The following PALS1 variants were observed in gnomAD, a reference collection of about 807,000 sequenced individuals.
The protein encoded by PALS1 is protein associated with LIN7 1, MAGUK p55 family member.
Under a neutral mutation model 78.9 loss-of-function variants are expected in PALS1, and 31 were observed. The observed-to-expected ratio is 0.39, with a 90% CI of 0.30 to 0.53. The LOEUF is 0.53. PALS1 is among the 20% of genes least tolerant of loss of function. The pLI is 0.67. For missense variants in PALS1, 704 were observed against 826.5 expected (o/e 0.85, Z 1.82); for synonymous variants, 276 against 270.9 (o/e 1.02, Z -0.18).
intron 1 of PALS1, among the ~76,000 whole-genome samples, chr14:67,258,732 C>T (rs764342808): frequency 2.0e-5 from 3 of 151,338 alleles, no homozygotes; most frequent in East Asian, 2.0e-4. Flanking sequence ...TTCAGACTGC[C>T]TTGATACTGT....
At chr14:67,313,993 T>G (rs1474365240) in intron 9 of PALS1, among the ~76,000 whole-genome samples, 1 of 151,954 alleles carries the variant, frequency 6.6e-6, no homozygotes, top group Admixed American at 6.6e-5. Context: ...AAAAAAATAG[T>G]TCTGCCAGAA....
chr14:67,299,359 A>G (rs1178246458), intron 4 of PALS1, among the ~76,000 whole-genome samples: 1 of 111,920 alleles, frequency 8.9e-6, no homozygotes, highest in Admixed American at 1.1e-4. Context: ...TATATACCAA[A>G]GTGATTATCC....
chr14:67,268,549 G>A lies in PALS1; in HGVS notation c.-236-1152G>A, dbSNP rs547105436. On this transcript the variant is annotated intron_variant, in intron 1 of 14. Coordinates refer to ENST00000261681, the MANE Select transcript of PALS1 (RefSeq NM_022474.4). ...ATGAATTTTCCGGGGGAAAGGGATG[G>A]GCAATTCGCAGAACTGAGGGTTCCT... Among the ~76,000 whole-genome samples the A allele has an allele frequency of 1.2e-3, 180 of 152,302 alleles. 1 individual carries two copies. Among genetic ancestry groups the A allele is most frequent in the Non-Finnish European group, 2.2e-3 (152 of 68,030 alleles).
At chr14:67,310,574 T>C (rs1400122166) in intron 8 of PALS1, among the ~76,000 whole-genome samples, 1 of 152,218 alleles carries the variant, frequency 6.6e-6, no homozygotes. Context: ...TTCACTATGC[T>C]ATACACTTAT....
intron 1 of PALS1, among the ~76,000 whole-genome samples, chr14:67,245,848 AG>A (rs1180782201): frequency 6.6e-6 from 1 of 151,212 alleles, no homozygotes; most frequent in African/African-American, 2.5e-5. Context: ...ATCCACGGTC[AG>A]AGAGATTTTT....
At chr14:67,317,299 CA>C in intron 10 of PALS1, 108 bp from the exon 11 acceptor site, 10 of 1,013,130 alleles carry the variant, frequency 9.9e-6, no homozygotes, top group South Asian at 5.3e-5. Context: ...CTCGTTTCTG[CA>C]AAAAAATTTA....
intron 8 of PALS1, chr14:67,312,138 C>T (rs1468468623): frequency 6.5e-6 from 1 of 153,452 alleles, no homozygotes; most frequent in Non-Finnish European, 1.5e-5. Context: ...CACCTTGTAC[C>T]TCAGCTTGTA....
intron 8 of PALS1, among the ~76,000 whole-genome samples, chr14:67,306,675 TTC>T (rs1423684816): frequency 6.6e-6 from 1 of 152,150 alleles, no homozygotes; most frequent in Non-Finnish European, 1.5e-5. Flanking sequence ...GCCCCTTCTT[TTC>T]TCTTTTTATT....
intron 4 of PALS1, among the ~76,000 whole-genome samples, chr14:67,299,573 A>G (rs2084903939): frequency 6.6e-6 from 1 of 152,220 alleles, no homozygotes; most frequent in Admixed American, 6.5e-5. Context: ...TTTTAAAGAT[A>G]AGGGATTAGA....
At chr14:67,310,451 G>A (rs1242187503) in intron 8 of PALS1, among the ~76,000 whole-genome samples, 1 of 152,168 alleles carries the variant, frequency 6.6e-6, no homozygotes, top group Non-Finnish European at 1.5e-5. Context: ...TATCCTTGGA[G>A]GGGATGGGAT....
At chr14:67,292,470 T>G in intron 3 of PALS1, 41 bp from the exon 4 acceptor site, 1 of 1,376,264 alleles carries the variant, frequency 7.3e-7, no homozygotes, top group East Asian at 2.3e-5. Flanking sequence ...GAATTAATAC[T>G]GAAACAGTTA....
intron 1 of PALS1, chr14:67,254,286 G>A (rs965153568): frequency 2.7e-5 from 4 of 150,870 alleles, no homozygotes; most frequent in African/African-American, 9.8e-5. Flanking sequence ...GTACCAAGTG[G>A]GTACTCGCCT....
At chr14:67,321,734 T>G (rs1258459377) in intron 13 of PALS1, among the ~76,000 whole-genome samples, 1 of 152,232 alleles carries the variant, frequency 6.6e-6, no homozygotes, top group African/African-American at 2.4e-5. Context: ...TTTCCACTTG[T>G]GCTGTCATGT....
In PALS1 at chr14:67,301,461, A is replaced by G. The variant is rs774657264; in HGVS notation, c.649A>G (p.Ile217Val). 8.1e-6 allele frequency: 13 copies of G among 1,608,116 alleles called. No individual in the cohort carries two copies. The South Asian group carries it at 1.3e-4, about 16-fold the overall frequency. ...AACTGCTTTGCTGAATACTCCACAT[A>G]TTCAGGTAGAAAATGGACAGAATAC... ...ELTALLNTPH[I>V]QALLLAHDKV... Residue 217 changes from isoleucine to valine, a missense_variant, in exon 5 of 15, where the codon ATT becomes GTT. Ile to Val is a conservative substitution (Grantham distance 29). Transcript: ENST00000261681.
At position 67,279,390 on chromosome 14, in the gene PALS1, G is replaced by A. The variant is rs1391188818; in HGVS notation, c.220G>A (p.Gly74Arg). Residue 74 changes from glycine (G) to arginine (R), a missense_variant, in exon 3 of 15, where the codon GGG becomes AGG. Gly to Arg is a moderately radical substitution (Grantham distance 125). Transcript: ENST00000261681. ...EDMRRRREEE[G>R]KKQELDLNSS... ...CATGAGGCGTAGGAGAGAGGAAGAA[G>A]GGAAAAAGCAAGAACTTGACCTTAA... 49 of 1,613,212 alleles carry A rather than the reference G, an allele frequency of 3.0e-5. No homozygotes were observed. The highest frequency in any genetic ancestry group is 1.7e-4 in the Middle Eastern group (1 of 6,052).
chr14:67,299,694 A>G (rs748615218), intron 4 of PALS1, among the ~76,000 whole-genome samples: 11 of 152,240 alleles, frequency 7.2e-5, no homozygotes, highest in Admixed American at 5.9e-4. Flanking sequence ...AGAATAAGCA[A>G]CATATAGGTT....
chr14:67,302,114 C>T lies in PALS1; in HGVS notation c.797C>T (p.Pro266Leu), dbSNP rs769663356. Residue 266 changes from proline to leucine, a missense_variant, in exon 6 of 15, where the codon CCG becomes CTG. Coordinates refer to ENST00000261681, the MANE Select transcript of PALS1 (RefSeq NM_022474.4). ...CGTATAGAAAAGGCTCGTGATATTCCGTTGGTAAGTGTCCCACATACTGTT... is the reference window on the plus strand; with the variant it reads ...CGTATAGAAAAGGCTCGTGATATTCTGTTGGTAAGTGTCCCACATACTGTT... Reference protein sequence around the residue: ...IVRIEKARDIPLGATVRNEMD... With the variant: ...IVRIEKARDILLGATVRNEMD... The T allele has an allele frequency of 2.5e-6, 4 of 1,599,606 alleles. No individual in the cohort carries two copies. The highest frequency in any genetic ancestry group is 2.3e-5 in the East Asian group (1 of 43,974).
intron 1 of PALS1, among the ~76,000 whole-genome samples, chr14:67,245,316 G>C (rs1033478094): frequency 1.3e-5 from 2 of 152,042 alleles, no homozygotes; most frequent in Non-Finnish European, 2.9e-5. Flanking sequence ...TCAGCACTTG[G>C]TATGGTCAGT....
At chr14:67,327,298 A>T (rs1203717362) in intron 14 of PALS1, among the ~76,000 whole-genome samples, 1 of 152,154 alleles carries the variant, frequency 6.6e-6, no homozygotes, top group Admixed American at 6.5e-5. Flanking sequence ...TTGCCGGATC[A>T]AGTGAGGTAA....
Sources: gnomAD v4.1 joint callset for allele counts (sites outside exome capture counted in the v4.1 genomes callset) on GRCh38, gnomAD v4.1.1 for gene constraint, MANE v1.5 for transcripts, NCBI Gene and HGNC (gene_info 2026-07-23, HGNC 2026-07-21) for gene names.